The following PRKD1 variants were observed in gnomAD, a reference collection of about 807,000 sequenced individuals.
PRKD1 encodes the protein serine/threonine-protein kinase D1.
A neutral mutation model predicts 95.9 loss-of-function variants in PRKD1; 63 were observed. That is an observed-to-expected ratio of 0.66 (90% CI 0.54 to 0.81). The LOEUF (loss-of-function observed/expected upper bound fraction) is 0.81. Among genes scored for constraint, PRKD1 ranks in the 30% least tolerant of loss-of-function variants. PRKD1 has a pLI of 0.00. For missense variants in PRKD1, 1,048 were observed against 1,165.3 expected, an observed-to-expected ratio of 0.90 and a Z score of 1.47; for synonymous variants, 425 against 423.1, an observed-to-expected ratio of 1.00 and a Z score of -0.05.
intron 1 of PRKD1, among the ~76,000 whole-genome samples, chr14:29,876,355 A>G (rs558598106): frequency 1.6e-4 from 25 of 152,334 alleles, no homozygotes; most frequent in African/African-American, 5.8e-4. Context: ...CTACAAATGG[A>G]GGAGTATAAA....
At chr14:29,673,288 C>T (rs902782723) in intron 2 of PRKD1, among the ~76,000 whole-genome samples, 3 of 152,144 alleles carry the variant, frequency 2.0e-5, no homozygotes, top group African/African-American at 2.4e-5. Context: ...TTATTTTATG[C>T]CATCTACCTC....
In PRKD1 at chr14:29,578,269, GT is replaced by G. The variant is rs760429451; in HGVS notation, c.2520+5del. On this transcript the variant is annotated splice_donor_5th_base_variant and intron_variant, in intron 17 of 17. Coordinates refer to ENST00000331968, the MANE Select transcript of PRKD1 (RefSeq NM_002742.3). ...CAACTAAGAAAACTCAGTGATTATT[GT>G]TTACCTGTAGCCAAGGGTGGCTCAA... 6 of 1,587,258 alleles carry G rather than the reference GT, an allele frequency of 3.8e-6. No individual in the cohort carries two copies. In the South Asian group the frequency reaches 6.9e-5, roughly 18 times the overall value.
At chr14:29,794,221 G>A (rs1174745832) in intron 1 of PRKD1, among the ~76,000 whole-genome samples, 1 of 151,622 alleles carries the variant, frequency 6.6e-6, no homozygotes, top group Non-Finnish European at 1.5e-5. Context: ...GATTTATAAT[G>A]CACATTAGAG....
intron 1 of PRKD1, among the ~76,000 whole-genome samples, chr14:29,925,965 A>C (rs948461688): frequency 6.6e-6 from 1 of 152,222 alleles, no homozygotes; most frequent in Non-Finnish European, 1.5e-5. Flanking sequence ...GATATGACTT[A>C]CATCAGCATT....
chr14:29,732,403 C>T (rs1048537796), intron 1 of PRKD1, among the ~76,000 whole-genome samples: 2 of 151,876 alleles, frequency 1.3e-5, no homozygotes, highest in Non-Finnish European at 2.9e-5. Flanking sequence ...TGTATATTTC[C>T]ATTTCTCCTC....
intron 8 of PRKD1, 31 bp from the exon 9 acceptor site, chr14:29,632,977 T>A (rs766989087): frequency 5.2e-6 from 8 of 1,542,100 alleles, no homozygotes; most frequent in East Asian, 2.2e-5. Context: ...AAGATCTTTT[T>A]AAAAAACTTT....
chr14:29,766,996 C>T (rs1452070761), intron 1 of PRKD1, among the ~76,000 whole-genome samples: 1 of 152,096 alleles, frequency 6.6e-6, no homozygotes, highest in Non-Finnish European at 1.5e-5. Flanking sequence ...ATTTATGACA[C>T]ACTCTCAAAA....
At chr14:29,808,186 C>A (rs1284772240) in intron 1 of PRKD1, among the ~76,000 whole-genome samples, 8 of 151,994 alleles carry the variant, frequency 5.3e-5, no homozygotes, top group Non-Finnish European at 1.2e-4. Context: ...GCTTTATCAA[C>A]TAAGTTTATG....
intron 2 of PRKD1, among the ~76,000 whole-genome samples, chr14:29,717,394 T>C (rs1192070043): frequency 6.6e-6 from 1 of 152,160 alleles, no homozygotes; most frequent in Non-Finnish European, 1.5e-5. Flanking sequence ...ATACTGTTAA[T>C]GTTATTTTAC....
intron 1 of PRKD1, among the ~76,000 whole-genome samples, chr14:29,873,054 T>A (rs1346310947): frequency 6.6e-6 from 1 of 152,104 alleles, no homozygotes; most frequent in Non-Finnish European, 1.5e-5. Context: ...TACAAGTAAT[T>A]TTGATGCTGC....
At chr14:29,765,536 C>T (rs1453595616) in intron 1 of PRKD1, among the ~76,000 whole-genome samples, 1 of 152,084 alleles carries the variant, frequency 6.6e-6, no homozygotes, top group Non-Finnish European at 1.5e-5. Context: ...TCCATATACC[C>T]TACAAAACAT....
chr14:29,857,765 G>C (rs1892562336), intron 1 of PRKD1, among the ~76,000 whole-genome samples: 1 of 152,144 alleles, frequency 6.6e-6, no homozygotes, highest in Non-Finnish European at 1.5e-5. Context: ...AAGGCAGCGA[G>C]GGGAAACAGG....
rs114042287 is a variant in PRKD1 at position 29,605,847 on chromosome 14, G to A, written c.1906-6030C>T. The stretch of plus-strand genomic sequence containing the variant: ...CTTTTAGATATGCTAGTACGTGTTC[G>A]ACATATTTAGTGATAGTACATTTTG... On this transcript the variant is annotated intron_variant, in intron 13 of 17. Coordinates refer to ENST00000331968, the MANE Select transcript of PRKD1 (RefSeq NM_002742.3). 1.7e-3 allele frequency among the ~76,000 whole-genome samples: 255 copies of A among 152,134 alleles called. 1 individual carries two copies. Among genetic ancestry groups the A allele is most frequent in the African/African-American group, 5.8e-3 (242 of 41,502 alleles).
intron 1 of PRKD1, among the ~76,000 whole-genome samples, chr14:29,827,929 G>GT (rs1171370830): frequency 4.6e-5 from 7 of 151,832 alleles, no homozygotes; most frequent in African/African-American, 1.7e-4. Context: ...TCCTCCCACT[G>GT]TATCTCCCTC....
intron 1 of PRKD1, among the ~76,000 whole-genome samples, chr14:29,812,385 T>G (rs1396398752): frequency 6.6e-6 from 1 of 152,206 alleles, no homozygotes; most frequent in African/African-American, 2.4e-5. Context: ...ATAACTTGCT[T>G]GAATACAAAA....
intron 1 of PRKD1, among the ~76,000 whole-genome samples, chr14:29,886,303 G>A (rs1166110060): frequency 1.3e-5 from 2 of 152,150 alleles, no homozygotes; most frequent in African/African-American, 2.4e-5. Flanking sequence ...CTGTGCCCAG[G>A]CATTTTTAAT....
chr14:29,922,146 A>C (rs1288092522), intron 1 of PRKD1, among the ~76,000 whole-genome samples: 41 of 152,094 alleles, frequency 2.7e-4, no homozygotes, highest in Admixed American at 2.7e-3. Context: ...CTAAAAATAC[A>C]AAAAAATAGC....
At chr14:29,892,093 G>A (rs1893956855) in intron 1 of PRKD1, among the ~76,000 whole-genome samples, 1 of 152,094 alleles carries the variant, frequency 6.6e-6, no homozygotes, top group Admixed American at 6.6e-5. Flanking sequence ...ATACATGAAG[G>A]ATTTTTTATC....
chr14:29,580,481 C>T (rs1892719415), intron 16 of PRKD1, among the ~76,000 whole-genome samples: 1 of 151,974 alleles, frequency 6.6e-6, no homozygotes, highest in Non-Finnish European at 1.5e-5. Context: ...TGTGTGTATA[C>T]ATACATTTTG....
Sources: gnomAD v4.1 joint callset for allele counts (sites outside exome capture counted in the v4.1 genomes callset) on GRCh38, gnomAD v4.1.1 for gene constraint, MANE v1.5 for transcripts, NCBI Gene and HGNC (gene_info 2026-07-23, HGNC 2026-07-21) for gene names.